The following CFAP57 variants were observed in gnomAD, a reference collection of about 807,000 sequenced individuals.
CFAP57 encodes cilia and flagella associated protein 57, also known as cilia- and flagella-associated protein 57.
A neutral mutation model predicts 146.8 loss-of-function variants in CFAP57; 116 were observed. That is an observed-to-expected ratio of 0.79 (90% CI 0.68 to 0.92). CFAP57 has a LOEUF of 0.92. Ranked by LOEUF, CFAP57 falls within the 40% of genes least tolerant of loss-of-function variation. The probability of loss-of-function intolerance (pLI) is 0.00; values close to 1 mark genes in which losing one functional copy is unlikely to be tolerated. For synonymous variants in CFAP57, 518 were observed against 552.8 expected, an observed-to-expected ratio of 0.94 and a Z score of 0.88; for missense variants, 1,377 against 1,527.2, an observed-to-expected ratio of 0.90 and a Z score of 1.64.
chr1:43,181,671 G>T lies in CFAP57; in HGVS notation c.295G>T (p.Val99Phe). The T allele has an allele frequency of 6.2e-7, 1 of 1,614,156 alleles. No individual in the cohort carries two copies. The highest frequency in any genetic ancestry group is 8.5e-7 in the Non-Finnish European group (1 of 1,180,026). The change falls in exon 3 of 23, where the codon GTT becomes TTT. Residue 99 changes from valine to phenylalanine, a missense_variant. Physicochemically the swap from Val to Phe is conservative, Grantham distance 50 (BLOSUM62 -1). Coordinates refer to ENST00000372492, the MANE Select transcript of CFAP57 (RefSeq NM_001378189.1). ...LSSIPCRKRK[V>F]LNNFDFQVQK... ...ATCCATCCCTTGCCGGAAGCGCAAA[G>T]TTCTTAATAATTTTGACTTCCAAGT...
intron 2 of CFAP57, among the ~76,000 whole-genome samples, chr1:43,177,642 T>C (rs1645223066): frequency 6.6e-6 from 1 of 152,138 alleles, no homozygotes; most frequent in Admixed American, 6.5e-5. Context: ...AAAAACAGTT[T>C]TTCCATGGAC....
chr1:43,230,387 T>G (rs1205617396), intron 18 of CFAP57, among the ~76,000 whole-genome samples: 1 of 152,212 alleles, frequency 6.6e-6, no homozygotes, highest in Admixed American at 6.5e-5. Context: ...AACCTCTGCA[T>G]CAGGCCCTCT....
chr1:43,212,285 A>G (rs78998909), intron 11 of CFAP57, among the ~76,000 whole-genome samples: 4,764 of 152,204 alleles, frequency 0.031, 270 homozygotes, highest in African/African-American at 0.11. Flanking sequence ...TCAGAGTCCT[A>G]CCACTCCTCC....
At chr1:43,251,308 T>C (rs553545224) in intron 22 of CFAP57, among the ~76,000 whole-genome samples, 1 of 152,354 alleles carries the variant, frequency 6.6e-6, no homozygotes, top group South Asian at 2.1e-4. Flanking sequence ...TCCATATCTC[T>C]GACTGACTAA....
intron 11 of CFAP57, among the ~76,000 whole-genome samples, chr1:43,213,297 A>G (rs1644699034): frequency 6.6e-6 from 1 of 152,092 alleles, no homozygotes; most frequent in South Asian, 2.1e-4. Flanking sequence ...AGAACACACA[A>G]TATTTGTTTT....
chr1:43,250,844 G>C (rs1192050875), intron 22 of CFAP57, among the ~76,000 whole-genome samples: 2 of 152,204 alleles, frequency 1.3e-5, no homozygotes, highest in Non-Finnish European at 2.9e-5. Flanking sequence ...TGTCCATACT[G>C]AAACAGTCAG....
intron 11 of CFAP57, among the ~76,000 whole-genome samples, chr1:43,212,437 AT>A (rs1417881981): frequency 2.0e-5 from 3 of 152,130 alleles, no homozygotes; most frequent in Non-Finnish European, 2.9e-5. Flanking sequence ...ATTTGTACAT[AT>A]TATGAAGTAC....
At chr1:43,184,832 C>T (rs764041146) in intron 4 of CFAP57, 1 of 314,598 alleles carries the variant, frequency 3.2e-6, no homozygotes, top group African/African-American at 2.4e-5. Context: ...TGTTCACAGT[C>T]CTTCAGCTCT....
At chr1:43,232,256 T>A in intron 18 of CFAP57, 1 of 592,088 alleles carries the variant, frequency 1.7e-6, no homozygotes. Flanking sequence ...AAAGGGAAAG[T>A]GACTCAGAGG....
At chr1:43,252,712 T>A (rs985942971) in intron 22 of CFAP57, among the ~76,000 whole-genome samples, 1 of 151,714 alleles carries the variant, frequency 6.6e-6, no homozygotes, top group Non-Finnish European at 1.5e-5. Context: ...TCTGAAAAAA[T>A]AAAAAAGGAA....
At chr1:43,227,784 T>C (rs1645309341) in intron 18 of CFAP57, among the ~76,000 whole-genome samples, 1 of 152,058 alleles carries the variant, frequency 6.6e-6, no homozygotes, top group Non-Finnish European at 1.5e-5. Context: ...GACAGTGGCG[T>C]CCATGTTGAT....
At position 43,234,639 on chromosome 1, in the gene CFAP57, G is replaced by C; in HGVS notation, c.3405+1G>C. On this transcript the variant is annotated splice_donor_variant, in intron 21 of 22. Transcript: ENST00000372492. LOFTEE classifies it high-confidence loss of function. ...CACAGACTACGTCCGCATCATGCAGGTACCTGCATGCTCCCCTCAGCCCCT... is the reference window on the plus strand; with the variant it reads ...CACAGACTACGTCCGCATCATGCAGCTACCTGCATGCTCCCCTCAGCCCCT... 1 of 1,548,064 alleles carries C rather than the reference G, an allele frequency of 6.5e-7. No homozygotes were observed. Among genetic ancestry groups the C allele is most frequent in the East Asian group, 2.4e-5 (1 of 40,846 alleles).
intron 22 of CFAP57, among the ~76,000 whole-genome samples, chr1:43,251,993 C>G (rs1168576032): frequency 6.6e-6 from 1 of 152,156 alleles, no homozygotes; most frequent in Non-Finnish European, 1.5e-5. Flanking sequence ...ATAAGAGATA[C>G]TGTTCTTTGT....
chr1:43,246,807 C>G (rs148462935), intron 22 of CFAP57, among the ~76,000 whole-genome samples: 3 of 152,146 alleles, frequency 2.0e-5, no homozygotes, highest in African/African-American at 7.2e-5. Context: ...ACATACATGA[C>G]GGCCCATCAG....
At chr1:43,245,724 C>A (rs1273399316) in intron 22 of CFAP57, among the ~76,000 whole-genome samples, 1 of 152,136 alleles carries the variant, frequency 6.6e-6, no homozygotes, top group East Asian at 1.9e-4. Context: ...ACCTACTATC[C>A]AACACAGTGG....
At chr1:43,204,522 A>T (rs1360990433) in intron 9 of CFAP57, among the ~76,000 whole-genome samples, 3 of 152,164 alleles carry the variant, frequency 2.0e-5, no homozygotes, top group Admixed American at 6.5e-5. Flanking sequence ...TTGGCTGATT[A>T]TCTGTTTCGT....
intron 2 of CFAP57, among the ~76,000 whole-genome samples, chr1:43,175,816 T>G (rs1645148148): frequency 7.3e-6 from 1 of 136,264 alleles, no homozygotes; most frequent in Non-Finnish European, 1.5e-5. Context: ...TTCATGTTTT[T>G]GGGTTTTTTT....
rs923675715 is a variant in CFAP57 at position 43,224,057 on chromosome 1, A to G, written c.2718A>G (p.Leu906=). Residue 906 remains leucine, a synonymous_variant, in exon 17 of 23, where the codon CTA becomes CTG. Coordinates refer to ENST00000372492, the MANE Select transcript of CFAP57 (RefSeq NM_001378189.1). ...GTTCGCTTTTCTAGTTCAGCAGCCT[A>G]CAGAAGGAGATTGAAGAACGAACCA... ...TGIMRKKFSS[L]QKEIEERTND... is the part of the protein sequence containing the mutation. 3.9e-6 allele frequency: 6 copies of G among 1,550,386 alleles called. No individual in the cohort carries two copies. In the East Asian group the frequency reaches 9.8e-5, roughly 25 times the overall value.
intron 22 of CFAP57, among the ~76,000 whole-genome samples, chr1:43,244,502 C>CTT (rs1646039451): frequency 6.6e-6 from 1 of 152,142 alleles, no homozygotes; most frequent in South Asian, 2.1e-4. Context: ...GTCTTGTGCA[C>CTT]TTTTGGCTAG....
Sources: gnomAD v4.1 joint callset for allele counts (sites outside exome capture counted in the v4.1 genomes callset) on GRCh38, gnomAD v4.1.1 for gene constraint, MANE v1.5 for transcripts, NCBI Gene and HGNC (gene_info 2026-07-23, HGNC 2026-07-21) for gene names.